CSPP1: variants seen among roughly 807,000 people sequenced by gnomAD.
CSPP1 encodes centrosome and spindle pole associated protein 1.
Under a neutral mutation model 164.4 loss-of-function variants are expected in CSPP1, and 126 were observed. The observed-to-expected ratio is 0.77, with a 90% CI of 0.66 to 0.89. The LOEUF is 0.89. CSPP1 is among the 40% of genes least tolerant of loss of function. CSPP1 has a pLI of 0.00. For synonymous variants in CSPP1, 472 were observed against 476.7 expected (o/e 0.99, Z 0.13); for missense variants, 1,395 against 1,449.8 (o/e 0.96, Z 0.61).
Position 67,175,617 on chromosome 8 carries a change from G to GC in CSPP1, c.3109+182dup, listed in dbSNP as rs1277554537. The GC allele has an allele frequency of 5.5e-6, 4 of 728,400 alleles. No individual in the cohort carries two copies. In the East Asian group the frequency reaches 1.1e-4, roughly 20 times the overall value. 45.1% of individuals were successfully genotyped at this position (728,400 alleles called of 1,614,324 possible). A position where few individuals can be genotyped will look rare whatever the true frequency, so the allele number is the denominator to read the frequency against. On this transcript the variant is annotated intron_variant, in intron 26 of 30. Coordinates refer to ENST00000678616, the MANE Select transcript of CSPP1 (RefSeq NM_001382391.1). ...CAAGTATGAGAGAGAGCTCTGAGTG[G>GC]CTCCACTAGGGTGGTGTATTCATGC... is the stretch of plus-strand genomic sequence containing the variant.
chr8:67,077,008 G>T (rs2129541743), intron 3 of CSPP1, among the ~76,000 whole-genome samples: 1 of 152,242 alleles, frequency 6.6e-6, no homozygotes, highest in South Asian at 2.1e-4. Context: ...TGTTGGAATT[G>T]TAAAGAAGTT....
At chr8:67,136,653 T>C (rs1033985979) in intron 16 of CSPP1, among the ~76,000 whole-genome samples, 1 of 151,814 alleles carries the variant, frequency 6.6e-6, no homozygotes, top group African/African-American at 2.4e-5. Flanking sequence ...ATGCCTGTAT[T>C]TAAAGTTGCC....
chr8:67,166,493 T>C (rs935170474), intron 24 of CSPP1, among the ~76,000 whole-genome samples: 2 of 152,202 alleles, frequency 1.3e-5, no homozygotes, highest in Non-Finnish European at 2.9e-5. Flanking sequence ...TCCAGGAATA[T>C]TGAAACAAGG....
intron 15 of CSPP1, among the ~76,000 whole-genome samples, chr8:67,124,895 G>A (rs1385411055): frequency 1.3e-5 from 2 of 152,042 alleles, no homozygotes; most frequent in Non-Finnish European, 2.9e-5. Context: ...ATCCCAGGCT[G>A]CTCATGAACT....
rs1207425214 is a variant in CSPP1, at chr8:67,097,740, A to G, written c.923+2008A>G. ...TATAATTATATCCTGTGATAATTTT[A>G]TACATGAACTAACAAATGAATATCA... On this transcript the variant is annotated intron_variant, in intron 7 of 30. Coordinates refer to ENST00000678616, the MANE Select transcript of CSPP1 (RefSeq NM_001382391.1). 9.9e-5 allele frequency among the ~76,000 whole-genome samples: 15 copies of G among 151,948 alleles called. No homozygotes were observed. The East Asian group carries it at 2.7e-3, about 27-fold the overall frequency.
rs372928630 is a variant in CSPP1 at position 67,166,021 on chromosome 8, G to GTGT, written c.2828+1513_2828+1514insTGT. On this transcript the variant is annotated intron_variant, in intron 24 of 30. Coordinates refer to ENST00000678616, the MANE Select transcript of CSPP1 (RefSeq NM_001382391.1). Reference sequence around the variant, plus strand: ...TCATGTATATTTATCATATACTTTGGGTTATAAGCCAGTGCTACATTATTT... The same window carrying GTGT: ...TCATGTATATTTATCATATACTTTGGTGTGTTATAAGCCAGTGCTACATTATTT... Among the ~76,000 whole-genome samples, 498 of 152,050 alleles carry GTGT rather than the reference G, an allele frequency of 3.3e-3. 3 individuals carry two copies. Among genetic ancestry groups the GTGT allele is most frequent in the African/African-American group, 0.012 (481 of 41,456 alleles).
intron 29 of CSPP1, among the ~76,000 whole-genome samples, chr8:67,193,179 C>T (rs1836890959): frequency 6.6e-6 from 1 of 152,066 alleles, no homozygotes; most frequent in African/African-American, 2.4e-5. Flanking sequence ...TCCAGTGGCA[C>T]AATCTCAGCT....
chr8:67,065,914 A>G (rs1805455929), intron 1 of CSPP1, among the ~76,000 whole-genome samples: 1 of 152,206 alleles, frequency 6.6e-6, no homozygotes, highest in Admixed American at 6.5e-5. Flanking sequence ...CTTTCGGTAC[A>G]GTTTTTCTCA....
chr8:67,194,168 C>A (rs768122902), intron 30 of CSPP1, among the ~76,000 whole-genome samples: 12 of 151,964 alleles, frequency 7.9e-5, no homozygotes, highest in Non-Finnish European at 1.3e-4. Context: ...CCCTGCCAGC[C>A]CTACACCACC....
intron 1 of CSPP1, among the ~76,000 whole-genome samples, chr8:67,072,567 A>G (rs1186829744): frequency 6.6e-6 from 1 of 152,068 alleles, no homozygotes. Flanking sequence ...TTGGTGGCTC[A>G]TGCCTGTAGT....
intron 8 of CSPP1, among the ~76,000 whole-genome samples, chr8:67,105,044 G>A (rs906893358): frequency 5.1e-5 from 4 of 78,196 alleles, no homozygotes; most frequent in Admixed American, 1.7e-4. Flanking sequence ...TTTTTTTTTC[G>A]AGACAGAGTC....
chr8:67,128,873 TACC>T (rs565712113), intron 15 of CSPP1, among the ~76,000 whole-genome samples: 17 of 152,342 alleles, frequency 1.1e-4, no homozygotes, highest in African/African-American at 3.6e-4. Context: ...ATCCTGCTTT[TACC>T]ATTCATTAGC....
intron 17 of CSPP1, among the ~76,000 whole-genome samples, chr8:67,146,602 C>A (rs1824617306): frequency 6.6e-6 from 1 of 152,028 alleles, no homozygotes. Context: ...TGAATTAGGT[C>A]ATTATAAAAG....
intron 16 of CSPP1, chr8:67,135,572 G>T (rs1318124722): frequency 6.6e-6 from 1 of 152,218 alleles, no homozygotes; most frequent in Non-Finnish European, 1.5e-5. Context: ...TCATAGAATT[G>T]AAGAAAGTTA....
chr8:67,064,882 T>G (rs1585746081), intron 1 of CSPP1: 2 of 196,902 alleles, frequency 1.0e-5, no homozygotes, highest in Non-Finnish European at 2.1e-5. Flanking sequence ...GTCGGGGAGG[T>G]TCCCTGGTTA....
At chr8:67,167,192 C>CA (rs1427082244) in intron 24 of CSPP1, among the ~76,000 whole-genome samples, 1 of 152,226 alleles carries the variant, frequency 6.6e-6, no homozygotes, top group East Asian at 1.9e-4. Flanking sequence ...TTCTATTTGA[C>CA]AAAACCGCAA....
At chr8:67,167,180 T>A (rs1829484686) in intron 24 of CSPP1, among the ~76,000 whole-genome samples, 1 of 152,258 alleles carries the variant, frequency 6.6e-6, no homozygotes, top group African/African-American at 2.4e-5. Flanking sequence ...CATTTCCCCC[T>A]TTTCTATTTG....
intron 17 of CSPP1, among the ~76,000 whole-genome samples, chr8:67,139,518 A>G (rs983562682): frequency 1.3e-5 from 2 of 152,222 alleles, no homozygotes; most frequent in African/African-American, 4.8e-5. Context: ...ATTATAAAAC[A>G]TGCTGCTATA....
chr8:67,139,023 C>T (rs1392481828), intron 17 of CSPP1, among the ~76,000 whole-genome samples: 1 of 152,130 alleles, frequency 6.6e-6, no homozygotes, highest in Non-Finnish European at 1.5e-5. Flanking sequence ...AGCCAGTTTT[C>T]CCAGCACCAT....
Sources: gnomAD v4.1 joint callset for allele counts (sites outside exome capture counted in the v4.1 genomes callset) on GRCh38, gnomAD v4.1.1 for gene constraint, MANE v1.5 for transcripts, NCBI Gene and HGNC (gene_info 2026-07-23, HGNC 2026-07-21) for gene names.